RAD18: variants seen among roughly 807,000 people sequenced by gnomAD.
RAD18 encodes the protein RAD18 E3 ubiquitin protein ligase.
Under a neutral mutation model 60.4 loss-of-function variants are expected in RAD18, and 47 were observed. The observed-to-expected ratio is 0.78, with a 90% CI of 0.62 to 0.99. The LOEUF is 0.99. Among genes scored for constraint, RAD18 ranks in the 50% least tolerant of loss-of-function variants. The pLI, the probability that RAD18 is intolerant of heterozygous loss-of-function variation, is 0.00. For synonymous variants in RAD18, 225 were observed against 195.5 expected (o/e 1.15, Z -1.26); for missense variants, 640 against 593.3 (o/e 1.08, Z -0.82).
intron 10 of RAD18, 84 bp downstream of exon 10, chr3:8,902,295 AG>A: frequency 7.8e-7 from 1 of 1,278,246 alleles, no homozygotes; most frequent in Non-Finnish European, 1.0e-6. Flanking sequence ...AGAACTCCAA[AG>A]TAAATTTCTT....
intron 7 of RAD18, among the ~76,000 whole-genome samples, chr3:8,925,781 C>T (rs1181859271): frequency 6.6e-6 from 1 of 152,100 alleles, no homozygotes; most frequent in East Asian, 1.9e-4. Context: ...AAATGTAATC[C>T]AGCATATAAA....
rs1939375028 is a variant in RAD18, at chr3:8,877,293, GC to G, written c.*4063del. 6.5e-6 allele frequency: 1 copy of G among 153,810 alleles called. No homozygotes were observed. Among genetic ancestry groups the G allele is most frequent in the Non-Finnish European group, 1.5e-5 (1 of 68,854 alleles). 9.5% of individuals were successfully genotyped at this position (153,810 alleles called of 1,614,324 possible). On this transcript the variant is annotated 3_prime_UTR_variant, in exon 13 of 13. Coordinates refer to ENST00000264926, the MANE Select transcript of RAD18 (RefSeq NM_020165.4). ...CCGTGTCTGGTGAGGACTGCTCTCT[GC>G]TTCCAAGATGGTGTGTTGTTGCTGA...
rs930414373 is a variant in RAD18 at position 8,877,882 on chromosome 3, A to C, written c.*3475T>G. 2 of 152,212 alleles carry C rather than the reference A, an allele frequency of 1.3e-5. No homozygotes were observed. The highest frequency in any genetic ancestry group is 4.8e-5 in the African/African-American group (2 of 41,446). 9.4% of individuals were successfully genotyped at this position (152,212 alleles called of 1,614,324 possible). A position where few individuals can be genotyped will look rare whatever the true frequency, so the allele number is the denominator to read the frequency against. On this transcript the variant is annotated 3_prime_UTR_variant, in exon 13 of 13. Transcript: ENST00000264926. ...AGTGAAAGGGGAAGAGAGAGGAAGC[A>C]AATTTTTGCACAGGACGCTGTGGTC...
chr3:8,959,661 T>C (rs1941065276), intron 1 of RAD18, among the ~76,000 whole-genome samples: 1 of 152,214 alleles, frequency 6.6e-6, no homozygotes, highest in African/African-American at 2.4e-5. Flanking sequence ...GAGAGATGTG[T>C]GCCAACCTGG....
At chr3:8,935,021 GT>G (rs796831164) in intron 7 of RAD18, among the ~76,000 whole-genome samples, 5 of 152,332 alleles carry the variant, frequency 3.3e-5, no homozygotes, top group African/African-American at 1.2e-4. Context: ...AACATATGGG[GT>G]TAGAAGTCAA....
Position 8,880,037 on chromosome 3 carries a change from G to C in RAD18, c.*1320C>G, listed in dbSNP as rs1345388087. The C allele has an allele frequency of 6.6e-6, 1 of 152,178 alleles. No individual in the cohort carries two copies. Among genetic ancestry groups the C allele is most frequent in the Non-Finnish European group, 1.5e-5 (1 of 68,028 alleles). 9.4% of individuals were successfully genotyped at this position (152,178 alleles called of 1,614,324 possible). A position where few individuals can be genotyped will look rare whatever the true frequency, so the allele number is the denominator to read the frequency against. On this transcript the variant is annotated 3_prime_UTR_variant, in exon 13 of 13. Transcript: ENST00000264926. ...TTACCTCACATCAGTTCTGCCGATA[G>C]ATTTGGTAAGTGGTGCTTTTAGTTT...
chr3:8,933,211 C>T (rs1312014486), intron 7 of RAD18, among the ~76,000 whole-genome samples: 2 of 152,008 alleles, frequency 1.3e-5, no homozygotes, highest in African/African-American at 2.4e-5. Flanking sequence ...ATGTAAAATG[C>T]TACATACTAT....
At chr3:8,958,435 A>G (rs1322026294) in intron 2 of RAD18, among the ~76,000 whole-genome samples, 1 of 152,218 alleles carries the variant, frequency 6.6e-6, no homozygotes, top group Non-Finnish European at 1.5e-5. Context: ...ACAAATTCCA[A>G]CATGAGTCTT....
rs184332893 is a variant in RAD18 at position 8,878,955 on chromosome 3, A to C, written c.*2402T>G. ...TAGAACCAGAAGTTTATCAGTTTCA[A>C]TTTTGGATCTATTACTTACTCTAAG... On this transcript the variant is annotated 3_prime_UTR_variant, in exon 13 of 13. Coordinates refer to ENST00000264926, the MANE Select transcript of RAD18 (RefSeq NM_020165.4). 1.1e-4 allele frequency: 17 copies of C among 152,368 alleles called. No homozygotes were observed. Among genetic ancestry groups the C allele is most frequent in the Admixed American group, 9.8e-4 (15 of 15,310 alleles). The allele number at this position is 152,368 out of a possible 1,614,324, so 9.4% of individuals were successfully genotyped here. A position where few individuals can be genotyped will look rare whatever the true frequency, so the allele number is the denominator to read the frequency against.
At chr3:8,889,145 G>A (rs1939636352) in intron 12 of RAD18, among the ~76,000 whole-genome samples, 2 of 152,142 alleles carry the variant, frequency 1.3e-5, no homozygotes, top group African/African-American at 4.8e-5. Context: ...CTCTCCCAGT[G>A]ATTCAGCTAT....
rs184856167 is a variant in RAD18 at position 8,887,610 on chromosome 3, T to G, written c.1385+2779A>C. ...ACTGTTATCCGCCACCTCAGACAGC[T>G]GCAAAGCTAGTCAAATGCCTCTCAT... On this transcript the variant is annotated intron_variant, in intron 12 of 12. Coordinates refer to ENST00000264926, the MANE Select transcript of RAD18 (RefSeq NM_020165.4). Among the ~76,000 whole-genome samples, 87 of 152,346 alleles carry G rather than the reference T, an allele frequency of 5.7e-4. No homozygotes were observed. The South Asian group carries it at 6.4e-3, about 11-fold the overall frequency.
intron 7 of RAD18, among the ~76,000 whole-genome samples, chr3:8,921,099 G>A (rs1219590761): frequency 6.6e-6 from 1 of 152,172 alleles, no homozygotes; most frequent in Non-Finnish European, 1.5e-5. Flanking sequence ...GAAAATATGT[G>A]TGTAATTATA....
intron 2 of RAD18, among the ~76,000 whole-genome samples, chr3:8,953,094 G>A (rs1180894852): frequency 6.6e-6 from 1 of 151,604 alleles, no homozygotes; most frequent in Non-Finnish European, 1.5e-5. Flanking sequence ...GTCAGGGACT[G>A]ACTATATCTA....
Position 8,941,599 on chromosome 3 carries a change from T to C in RAD18, c.472A>G (p.Ser158Gly), listed in dbSNP as rs1308632767. ...GCAGGGCTCGCCTCTTTTTGAGGGCTGAATTTGCTTTTATTTTCTTTTATC... is the reference window on the plus strand; with the variant it reads ...GCAGGGCTCGCCTCTTTTTGAGGGCCGAATTTGCTTTTATTTTCTTTTATC... ...LLIKENKSKF[S>G]PQKEASPAAK... is the part of the protein sequence containing the mutation. Residue 158 changes from serine to glycine, a missense_variant, in exon 5 of 13, where the codon AGC (serine) becomes GGC (glycine). Coordinates refer to ENST00000264926, the MANE Select transcript of RAD18 (RefSeq NM_020165.4). 1 of 1,614,076 alleles carries C rather than the reference T, an allele frequency of 6.2e-7. No homozygotes were observed. Among genetic ancestry groups the C allele is most frequent in the Non-Finnish European group, 8.5e-7 (1 of 1,180,018 alleles).
intron 1 of RAD18, among the ~76,000 whole-genome samples, chr3:8,962,834 G>A (rs1460507667): frequency 1.1e-4 from 17 of 152,202 alleles, no homozygotes; most frequent in Non-Finnish European, 2.9e-5. Flanking sequence ...TGTTAGAGAG[G>A]AGTTGGGGCA....
intron 11 of RAD18, among the ~76,000 whole-genome samples, chr3:8,892,329 T>C (rs993920094): frequency 5.9e-5 from 9 of 152,202 alleles, no homozygotes; most frequent in Admixed American, 2.6e-4. Flanking sequence ...TGGAAGGGCA[T>C]TCAAATGGCC....
At chr3:8,919,713 T>C (rs753212460) in intron 7 of RAD18, among the ~76,000 whole-genome samples, 2 of 152,234 alleles carry the variant, frequency 1.3e-5, no homozygotes, top group Non-Finnish European at 2.9e-5. Context: ...CTGGTAGCCA[T>C]ATCTTGGTTT....
At chr3:8,951,041 A>G (rs1164245278) in intron 2 of RAD18, among the ~76,000 whole-genome samples, 1 of 152,208 alleles carries the variant, frequency 6.6e-6, no homozygotes, top group Admixed American at 6.5e-5. Flanking sequence ...AAGATGTAAC[A>G]TACACATAAT....
In RAD18 at chr3:8,963,434, C is replaced by G; in HGVS notation, c.-49G>C. On this transcript the variant is annotated 5_prime_UTR_variant, in exon 1 of 13. Transcript: ENST00000264926. ...GTCAGCCACCCACTAGCCTCCGGCG[C>G]TCCAACACCACTCGAAATTCCCCGC... 1 of 1,498,426 alleles carries G rather than the reference C, an allele frequency of 6.7e-7. No individual in the cohort carries two copies. Among genetic ancestry groups the G allele is most frequent in the Non-Finnish European group, 9.1e-7 (1 of 1,099,276 alleles). 92.8% of individuals were successfully genotyped at this position (1,498,426 alleles called of 1,614,324 possible). A position where few individuals can be genotyped will look rare whatever the true frequency, so the allele number is the denominator to read the frequency against.
Sources: allele counts gnomAD v4.1 joint callset (sites outside exome capture counted in the v4.1 genomes callset), GRCh38; gene constraint gnomAD v4.1.1; transcripts MANE v1.5; gene names NCBI Gene and HGNC (gene_info 2026-07-23, HGNC 2026-07-21).